Variants in CNBD1 observed in about 807,000 individuals in gnomAD.
CNBD1 encodes the protein cyclic nucleotide binding domain containing 1.
In CNBD1, 71 loss-of-function variants were observed where a neutral mutation model predicts 54.4. That is an observed-to-expected ratio of 1.30 (90% CI 1.08 to 1.59). CNBD1 has a LOEUF of 1.59. Among genes scored for constraint, CNBD1 ranks in the 40% most tolerant of loss-of-function variants. The pLI is 0.00. For missense variants in CNBD1, 659 were observed against 518.0 expected, an observed-to-expected ratio of 1.27 and a Z score of -2.64; for synonymous variants, 182 against 170.7, an observed-to-expected ratio of 1.07 and a Z score of -0.51.
At chr8:87,065,896 A>G (rs1810639261) in intron 4 of CNBD1, among the ~76,000 whole-genome samples, 1 of 151,954 alleles carries the variant, frequency 6.6e-6, no homozygotes, top group African/African-American at 2.4e-5. Flanking sequence ...TATATGTGAT[A>G]CTTTCCCACT....
At chr8:87,141,486 A>G (rs1245928507) in intron 4 of CNBD1, among the ~76,000 whole-genome samples, 1 of 152,128 alleles carries the variant, frequency 6.6e-6, no homozygotes, top group Non-Finnish European at 1.5e-5. Flanking sequence ...CACACAGCCA[A>G]TTCTCCTAAC....
intron 4 of CNBD1, among the ~76,000 whole-genome samples, chr8:87,183,711 T>C (rs1307184658): frequency 6.6e-6 from 1 of 152,234 alleles, no homozygotes; most frequent in Non-Finnish European, 1.5e-5. Flanking sequence ...GGCTTTTTGC[T>C]TTTGTATTCT....
intron 4 of CNBD1, among the ~76,000 whole-genome samples, chr8:87,170,981 A>G (rs1399925458): frequency 6.6e-6 from 1 of 151,934 alleles, no homozygotes; most frequent in East Asian, 1.9e-4. Flanking sequence ...TTTTTTGTGT[A>G]TGTGATGTGT....
chr8:87,346,627 G>A (rs1415706825), intron 8 of CNBD1, among the ~76,000 whole-genome samples: 1 of 151,694 alleles, frequency 6.6e-6, no homozygotes, highest in Non-Finnish European at 1.5e-5. Flanking sequence ...ATATATATAT[G>A]TATGTAGACA....
chr8:86,872,711 T>G (rs1563806135), intron 1 of CNBD1, among the ~76,000 whole-genome samples: 1 of 152,226 alleles, frequency 6.6e-6, no homozygotes, highest in Admixed American at 6.5e-5. Flanking sequence ...TGGCCATTCA[T>G]GGGTCTTATT....
At chr8:87,135,334 C>T (rs1812206291) in intron 4 of CNBD1, among the ~76,000 whole-genome samples, 1 of 151,612 alleles carries the variant, frequency 6.6e-6, no homozygotes, top group Admixed American at 6.6e-5. Context: ...ATATATACCA[C>T]TGATGTTCTA....
chr8:86,953,853 C>T (rs559199713), intron 4 of CNBD1, among the ~76,000 whole-genome samples: 7 of 151,848 alleles, frequency 4.6e-5, no homozygotes, highest in Admixed American at 6.6e-5. Context: ...GGTGACAGAG[C>T]GAGACTCTGT....
chr8:86,868,389 C>CTGGA (rs1453590074), intron 1 of CNBD1, among the ~76,000 whole-genome samples: 2 of 152,154 alleles, frequency 1.3e-5, no homozygotes, highest in Non-Finnish European at 2.9e-5. Context: ...GTTGCCCAGG[C>CTGGA]TGGAGTGCAG....
At chr8:87,373,139 T>G (rs1170547305) in intron 10 of CNBD1, among the ~76,000 whole-genome samples, 1 of 151,756 alleles carries the variant, frequency 6.6e-6, no homozygotes, top group African/African-American at 2.4e-5. Flanking sequence ...AAATTGGAAG[T>G]TGTGGGTTTA....
chr8:87,225,068 G>A (rs1332108989), intron 5 of CNBD1, among the ~76,000 whole-genome samples: 1 of 151,482 alleles, frequency 6.6e-6, no homozygotes, highest in Non-Finnish European at 1.5e-5. Flanking sequence ...GTATAGGAAT[G>A]CTTGTGATTT....
intron 4 of CNBD1, among the ~76,000 whole-genome samples, chr8:87,126,562 T>G (rs1275980775): frequency 6.6e-6 from 1 of 152,074 alleles, no homozygotes; most frequent in South Asian, 2.1e-4. Context: ...TTATCAAATA[T>G]GTAATTTGCA....
chr8:86,917,803 C>T (rs1809210833), intron 3 of CNBD1, among the ~76,000 whole-genome samples: 2 of 152,104 alleles, frequency 1.3e-5, no homozygotes, highest in African/African-American at 4.8e-5. Flanking sequence ...CCCCAACACA[C>T]ACCCAAACCA....
intron 5 of CNBD1, among the ~76,000 whole-genome samples, chr8:87,229,297 T>G (rs950089080): frequency 1.4e-4 from 21 of 149,184 alleles, no homozygotes; most frequent in South Asian, 4.2e-4. Flanking sequence ...TAAATGCTGG[T>G]TTTTTTTTTA....
intron 2 of CNBD1, among the ~76,000 whole-genome samples, chr8:87,420,981 C>T (rs1807923659): frequency 6.6e-6 from 1 of 151,868 alleles, no homozygotes. Context: ...CTAGGCCAAA[C>T]ACAGGTTGGG....
At chr8:87,407,147 A>T (rs1807665662) in intron 2 of CNBD1, among the ~76,000 whole-genome samples, 1 of 152,034 alleles carries the variant, frequency 6.6e-6, no homozygotes, top group Non-Finnish European at 1.5e-5. Context: ...CCTTTCCTTA[A>T]CCTCTTTCAG....
chr8:87,282,268 T>C (rs1354060567), intron 6 of CNBD1, among the ~76,000 whole-genome samples: 1 of 151,738 alleles, frequency 6.6e-6, no homozygotes, highest in Non-Finnish European at 1.5e-5. Context: ...TGAAAGCAAT[T>C]TAAATCTCTC....
rs557597160 is a variant in CNBD1, at chr8:87,305,378, T to C, written c.1042+18707T>C. ...TGCACTTCCCATCAAAATACCACCA[T>C]CATTCTTCAGAGAATTAGAAAAAAC... On this transcript the variant is annotated intron_variant, in intron 8 of 10. Transcript: ENST00000518476. Among the ~76,000 whole-genome samples, 15 of 152,220 alleles carry C rather than the reference T, an allele frequency of 9.9e-5. No individual in the cohort carries two copies. The Middle Eastern group carries it at 0.017, about 173-fold the overall frequency.
intron 4 of CNBD1, among the ~76,000 whole-genome samples, chr8:87,028,374 C>A (rs1462111069): frequency 6.6e-6 from 1 of 152,164 alleles, no homozygotes; most frequent in Non-Finnish European, 1.5e-5. Context: ...TTCTAAGACT[C>A]CCAGTCCTTG....
intron 4 of CNBD1, among the ~76,000 whole-genome samples, chr8:86,982,973 G>A (rs904598085): frequency 6.6e-6 from 1 of 152,130 alleles, no homozygotes; most frequent in African/African-American, 2.4e-5. Context: ...AAAAGTATGA[G>A]TTTCTTAAAA....
Sources: gnomAD v4.1 joint callset for allele counts (sites outside exome capture counted in the v4.1 genomes callset) on GRCh38, gnomAD v4.1.1 for gene constraint, MANE v1.5 for transcripts, NCBI Gene and HGNC (gene_info 2026-07-23, HGNC 2026-07-21) for gene names.